The following PRKAG2 variants were observed in gnomAD, a reference collection of about 807,000 sequenced individuals.
PRKAG2 encodes the protein 5'-AMP-activated protein kinase subunit gamma-2.
In PRKAG2, 26 loss-of-function variants were observed where a neutral mutation model predicts 69.6. The ratio of observed to expected loss-of-function variants is 0.37; its 90% CI spans 0.27 to 0.52. The LOEUF is 0.52. Among genes scored for constraint, PRKAG2 ranks in the 20% least tolerant of loss-of-function variants. The pLI is 0.90. For synonymous variants in PRKAG2, 293 were observed against 285.0 expected (o/e 1.03, Z -0.28); for missense variants, 557 against 740.0 (o/e 0.75, Z 2.87).
chr7:151,814,597 G>A lies in PRKAG2; in HGVS notation c.115-28056C>T, dbSNP rs1430151165. 7.3e-6 allele frequency: 9 copies of A among 1,231,662 alleles called. No homozygotes were observed. Among genetic ancestry groups the A allele is most frequent in the Non-Finnish European group, 8.1e-6 (8 of 988,002 alleles). 76.3% of individuals were successfully genotyped at this position (1,231,662 alleles called of 1,614,324 possible). ...GGGTTTCCCAGCCCCTTCAGCACAG[G>A]CAATTTCTAGGGTTCGGCTGTGCTC... is the stretch of plus-strand genomic sequence containing the variant. On this transcript the variant is annotated intron_variant, in intron 1 of 15. Coordinates refer to ENST00000287878, the MANE Select transcript of PRKAG2 (RefSeq NM_016203.4). This position sits in a 1 kb window ranked among gnomAD's most constrained non-coding sequence, Gnocchi z 4.8.
rs551052086 is a variant in PRKAG2 at position 151,831,680 on chromosome 7, T to TC, written c.114+44826dup. 8.5e-5 allele frequency among the ~76,000 whole-genome samples: 13 copies of TC among 152,070 alleles called. No individual in the cohort carries two copies. The East Asian group carries it at 2.3e-3, about 27-fold the overall frequency. On this transcript the variant is annotated intron_variant, in intron 1 of 15. Coordinates refer to ENST00000287878, the MANE Select transcript of PRKAG2 (RefSeq NM_016203.4). The stretch of plus-strand genomic sequence containing the variant: ...CGTGTTCTGATATTCATTTGTATGT[T>TC]CCCCCCCTTGCACGCCCTGCCTCCT...
chr7:151,832,152 T>G (rs2079039458), intron 1 of PRKAG2, among the ~76,000 whole-genome samples: 2 of 151,484 alleles, frequency 1.3e-5, no homozygotes, highest in Non-Finnish European at 2.9e-5. Flanking sequence ...CCAGAATGCT[T>G]GAAATTGAAT....
chr7:151,866,238 T>A (rs905062917), intron 1 of PRKAG2, among the ~76,000 whole-genome samples: 1 of 152,036 alleles, frequency 6.6e-6, no homozygotes, highest in Non-Finnish European at 1.5e-5. Flanking sequence ...TCCAGCCTCA[T>A]CCCCTACCCC....
intron 2 of PRKAG2, among the ~76,000 whole-genome samples, chr7:151,782,844 T>C (rs1455317505): frequency 6.6e-6 from 1 of 152,110 alleles, no homozygotes; most frequent in Non-Finnish European, 1.5e-5. Context: ...CTTGGGAAAC[T>C]TGCAAGCAAC....
chr7:151,769,721 C>T (rs781768979), intron 3 of PRKAG2, among the ~76,000 whole-genome samples: 4 of 152,184 alleles, frequency 2.6e-5, no homozygotes, highest in African/African-American at 7.2e-5. Flanking sequence ...CATGAAGGCA[C>T]GGATGCTGCA....
At chr7:151,754,291 C>T (rs190988165) in intron 3 of PRKAG2, among the ~76,000 whole-genome samples, 5 of 152,240 alleles carry the variant, frequency 3.3e-5, no homozygotes, top group African/African-American at 4.8e-5. Context: ...AGGGACCACA[C>T]GGGATGCCAG....
intron 4 of PRKAG2, among the ~76,000 whole-genome samples, chr7:151,648,967 G>A (rs975739483): frequency 2.0e-5 from 3 of 151,664 alleles, no homozygotes; most frequent in Non-Finnish European, 4.4e-5. Flanking sequence ...GTACATCTTC[G>A]GATGCCTCTT....
At position 151,814,900 on chromosome 7, in the gene PRKAG2, G is replaced by C; in HGVS notation, c.115-28359C>G. On this transcript the variant is annotated intron_variant, in intron 1 of 15. Transcript: ENST00000287878. This position sits in a 1 kb window ranked among gnomAD's most constrained non-coding sequence, Gnocchi z 4.8. Reference sequence around the variant, plus strand: ...TACCACACAGCAAGCCAGCAGGAGGGAGGGCTGGACCGGAGCTTTTAAAAA... The same window carrying C: ...TACCACACAGCAAGCCAGCAGGAGGCAGGGCTGGACCGGAGCTTTTAAAAA... 4.9e-6 allele frequency: 6 copies of C among 1,229,734 alleles called. No homozygotes were observed. The highest frequency in any genetic ancestry group is 6.1e-6 in the Non-Finnish European group (6 of 986,316). The allele number at this position is 1,229,734 out of a possible 1,614,324, so 76.2% of individuals were successfully genotyped here.
intron 4 of PRKAG2, among the ~76,000 whole-genome samples, chr7:151,644,302 A>C (rs1449939803): frequency 6.6e-6 from 1 of 152,208 alleles, no homozygotes; most frequent in Non-Finnish European, 1.5e-5. Context: ...AAATATAGAG[A>C]AAATTTTTTT....
intron 5 of PRKAG2, among the ~76,000 whole-genome samples, chr7:151,613,434 C>A (rs1354935400): frequency 6.6e-6 from 1 of 152,142 alleles, no homozygotes; most frequent in Non-Finnish European, 1.5e-5. Flanking sequence ...ATGTATGATG[C>A]AAATACTCAA....
At chr7:151,618,353 T>C (rs2151258716) in intron 5 of PRKAG2, among the ~76,000 whole-genome samples, 1 of 151,776 alleles carries the variant, frequency 6.6e-6, no homozygotes, top group South Asian at 2.1e-4. Flanking sequence ...CTCAGGAGCC[T>C]GAGGCAGGAG....
intron 5 of PRKAG2, among the ~76,000 whole-genome samples, chr7:151,597,026 A>C (rs1440656856): frequency 6.6e-6 from 1 of 152,252 alleles, no homozygotes; most frequent in African/African-American, 2.4e-5. Context: ...CTGACTTCAA[A>C]ATGTACTACA....
chr7:151,769,976 G>A (rs2075941408), intron 3 of PRKAG2, among the ~76,000 whole-genome samples: 1 of 152,094 alleles, frequency 6.6e-6, no homozygotes, highest in Admixed American at 6.6e-5. Flanking sequence ...CTTGGCCACG[G>A]GGACCCCAGA....
intron 3 of PRKAG2, among the ~76,000 whole-genome samples, chr7:151,778,605 G>A (rs1276692889): frequency 6.6e-6 from 1 of 152,200 alleles, no homozygotes; most frequent in Non-Finnish European, 1.5e-5. Context: ...CCTTAAGGCT[G>A]AGCACGGGGC....
rs1421336875 is a variant in PRKAG2 at position 151,824,810 on chromosome 7, C to G, written c.115-38269G>C. Among the ~76,000 whole-genome samples the G allele has an allele frequency of 2.0e-5, 3 of 152,206 alleles. No homozygotes were observed. In the East Asian group the frequency reaches 5.8e-4, roughly 29 times the overall value. On this transcript the variant is annotated intron_variant, in intron 1 of 15. Coordinates refer to ENST00000287878, the MANE Select transcript of PRKAG2 (RefSeq NM_016203.4). ...TGAGGACGTGGGGCCACTTACTACCCCAGCGGAACTCAGCCGACACTCGTG... is the reference window on the plus strand; with the variant it reads ...TGAGGACGTGGGGCCACTTACTACCGCAGCGGAACTCAGCCGACACTCGTG...
chr7:151,817,320 C>T (rs552184225), intron 1 of PRKAG2, among the ~76,000 whole-genome samples: 2 of 152,310 alleles, frequency 1.3e-5, no homozygotes, highest in African/African-American at 4.8e-5. Flanking sequence ...CACATCCCCT[C>T]GGACTCACCC....
chr7:151,572,661 T>C lies in PRKAG2; in HGVS notation c.1051+3A>G, dbSNP rs376499470. 5.6e-6 allele frequency: 9 copies of C among 1,594,762 alleles called. No individual in the cohort carries two copies. Among genetic ancestry groups the C allele is most frequent in the Non-Finnish European group, 7.7e-6 (9 of 1,164,486 alleles). On this transcript the variant is annotated splice_donor_region_variant and intron_variant, in intron 9 of 15. Transcript: ENST00000287878. ...AAGATTTTAAACATCCAATAGTGCT[T>C]ACCCCTCCATGTTTCAATTTTATGT...
chr7:151,673,004 C>G (rs1330874969), intron 4 of PRKAG2, among the ~76,000 whole-genome samples: 1 of 152,134 alleles, frequency 6.6e-6, no homozygotes, highest in East Asian at 1.9e-4. Context: ...GGGGTATAAA[C>G]AGTTGGGTTA....
intron 3 of PRKAG2, among the ~76,000 whole-genome samples, chr7:151,710,038 G>T (rs967501726): frequency 1.2e-4 from 19 of 152,188 alleles, no homozygotes; most frequent in African/African-American, 4.6e-4. Flanking sequence ...CTCGAGTCTA[G>T]AAGGGTGGCC....
Sources: gnomAD v4.1 joint callset for allele counts (sites outside exome capture counted in the v4.1 genomes callset) on GRCh38, gnomAD v4.1.1 for gene constraint, Gnocchi (gnomAD v3.1) non-coding constraint, MANE v1.5 for transcripts, NCBI Gene and HGNC (gene_info 2026-07-23, HGNC 2026-07-21) for gene names.